The following GULP1 variants were observed in gnomAD, a reference collection of about 807,000 sequenced individuals.
GULP1 encodes GULP PTB domain containing engulfment adaptor 1.
A neutral mutation model predicts 40.9 loss-of-function variants in GULP1; 19 were observed. The ratio of observed to expected loss-of-function variants is 0.46; its 90% CI spans 0.32 to 0.68. The LOEUF is 0.68. GULP1 is among the 30% of genes least tolerant of loss of function. The pLI, the probability that GULP1 is intolerant of heterozygous loss-of-function variation, is 0.03. For synonymous variants in GULP1, 119 were observed against 117.6 expected, an observed-to-expected ratio of 1.01 and a Z score of -0.08; for missense variants, 312 against 362.2, an observed-to-expected ratio of 0.86 and a Z score of 1.12.
intron 3 of GULP1, among the ~76,000 whole-genome samples, chr2:188,481,069 T>G: frequency 6.6e-6 from 1 of 151,962 alleles, no homozygotes; most frequent in Admixed American, 6.6e-5. Context: ...AAACCTAAAT[T>G]TATTGACCCA....
At chr2:188,348,689 A>G (rs75618374) in intron 1 of GULP1, among the ~76,000 whole-genome samples, 2 of 152,328 alleles carry the variant, frequency 1.3e-5, no homozygotes, top group South Asian at 2.1e-4. Context: ...AAGAGTTTCA[A>G]AAATACAAGA....
intron 1 of GULP1, among the ~76,000 whole-genome samples, chr2:188,352,136 A>G (rs570207038): frequency 1.3e-5 from 2 of 152,168 alleles, no homozygotes; most frequent in Non-Finnish European, 2.9e-5. Context: ...CAGCTTGACT[A>G]GGTCACGGTG....
intron 11 of GULP1, chr2:188,592,832 A>C (rs906897327): frequency 6.6e-6 from 1 of 152,150 alleles, no homozygotes; most frequent in African/African-American, 2.4e-5. Flanking sequence ...AAGTAGATAT[A>C]GTCAGTCCAA....
chr2:188,398,002 G>C (rs1025359263), intron 2 of GULP1, among the ~76,000 whole-genome samples: 1 of 152,208 alleles, frequency 6.6e-6, no homozygotes, highest in Non-Finnish European at 1.5e-5. Context: ...TGGAAAAAGA[G>C]TCTATGCAGG....
intron 4 of GULP1, among the ~76,000 whole-genome samples, chr2:188,504,572 A>G (rs967052135): frequency 6.6e-6 from 1 of 152,060 alleles, no homozygotes; most frequent in Non-Finnish European, 1.5e-5. Flanking sequence ...TCTCCAAAGT[A>G]CTTAACAATA....
rs1169000418 is a variant in GULP1, at chr2:188,355,686, C to A, written c.-171-28077C>A. Among the ~76,000 whole-genome samples the A allele has an allele frequency of 8.6e-5, 13 of 152,016 alleles. No individual in the cohort carries two copies. In the South Asian group the frequency reaches 2.7e-3, roughly 32 times the overall value. On this transcript the variant is annotated intron_variant, in intron 1 of 11. Coordinates refer to ENST00000409830, the MANE Select transcript of GULP1 (RefSeq NM_016315.4). Reference sequence around the variant, plus strand: ...CCTGTTTCCGTGAGGCCAGTATTATCCTGATATCAAAACCTAACAAAGATC... The same window carrying A: ...CCTGTTTCCGTGAGGCCAGTATTATACTGATATCAAAACCTAACAAAGATC...
At chr2:188,473,362 A>G (rs1283699160) in intron 2 of GULP1, among the ~76,000 whole-genome samples, 1 of 152,138 alleles carries the variant, frequency 6.6e-6, no homozygotes, top group Non-Finnish European at 1.5e-5. Context: ...CCTTCCATTC[A>G]GGGCACTGTG....
At chr2:188,440,965 G>C (rs1272132057) in intron 2 of GULP1, among the ~76,000 whole-genome samples, 1 of 152,044 alleles carries the variant, frequency 6.6e-6, no homozygotes, top group African/African-American at 2.4e-5. Flanking sequence ...GGAATTGTAG[G>C]AGGAGAAGAG....
chr2:188,569,420 T>C, intron 8 of GULP1, 65 bp downstream of exon 8: 1 of 853,550 alleles, frequency 1.2e-6, no homozygotes, highest in South Asian at 1.3e-5. Flanking sequence ...TTGCATATCG[T>C]CAAACAAATT....
intron 4 of GULP1, among the ~76,000 whole-genome samples, chr2:188,486,481 A>T (rs2061871406): frequency 6.6e-6 from 1 of 151,996 alleles, no homozygotes; most frequent in Non-Finnish European, 1.5e-5. Flanking sequence ...AATTTAACAG[A>T]ACTACTTAAG....
intron 1 of GULP1, among the ~76,000 whole-genome samples, chr2:188,373,987 A>C (rs1329390514): frequency 2.0e-5 from 3 of 152,058 alleles, no homozygotes; most frequent in African/African-American, 7.2e-5. Context: ...TGAAGATGTA[A>C]TTAATAGAAT....
chr2:188,568,123 C>T (rs952078152), intron 7 of GULP1, among the ~76,000 whole-genome samples: 1 of 151,806 alleles, frequency 6.6e-6, no homozygotes, highest in African/African-American at 2.4e-5. Context: ...TTGTCTAAAA[C>T]CCTCCTTAAA....
chr2:188,499,408 TA>T (rs2153140648), intron 4 of GULP1, among the ~76,000 whole-genome samples: 1 of 151,504 alleles, frequency 6.6e-6, no homozygotes, highest in East Asian at 1.9e-4. Context: ...GTAAAATGTC[TA>T]AAAAGTCATC....
intron 6 of GULP1, among the ~76,000 whole-genome samples, chr2:188,531,898 T>C (rs1687641463): frequency 6.6e-6 from 1 of 152,060 alleles, no homozygotes; most frequent in Admixed American, 6.5e-5. Flanking sequence ...GGATATAGAG[T>C]GGTAAATGTC....
intron 1 of GULP1, among the ~76,000 whole-genome samples, chr2:188,342,953 C>T (rs544159673): frequency 2.6e-5 from 4 of 152,198 alleles, no homozygotes; most frequent in African/African-American, 9.6e-5. Flanking sequence ...GTTACGTAGA[C>T]TGCTTCATGA....
chr2:188,399,879 AT>A (rs1362176818), intron 2 of GULP1, among the ~76,000 whole-genome samples: 2 of 152,148 alleles, frequency 1.3e-5, no homozygotes, highest in East Asian at 3.9e-4. Context: ...ATTGCCTATC[AT>A]ATGTCAATTG....
chr2:188,477,654 T>C lies in GULP1; in HGVS notation c.-44-5T>C. ...TTATGTTTTAATATTTTGTCACTTTTACAGGATTTAAGTCGTGGAACTGAA... is the reference window on the plus strand; with the variant it reads ...TTATGTTTTAATATTTTGTCACTTTCACAGGATTTAAGTCGTGGAACTGAA... On this transcript the variant is annotated splice_polypyrimidine_tract_variant and splice_region_variant and intron_variant, in intron 2 of 11. Transcript: ENST00000409830. 2 of 1,489,906 alleles carry C rather than the reference T, an allele frequency of 1.3e-6. No individual in the cohort carries two copies. Among genetic ancestry groups the C allele is most frequent in the Non-Finnish European group, 1.8e-6 (2 of 1,086,368 alleles). The allele number at this position is 1,489,906 out of a possible 1,614,324, so 92.3% of individuals were successfully genotyped here.
At chr2:188,395,405 G>A (rs576669421) in intron 2 of GULP1, among the ~76,000 whole-genome samples, 1 of 152,298 alleles carries the variant, frequency 6.6e-6, no homozygotes, top group Admixed American at 6.5e-5. Context: ...GCTGTCCTTT[G>A]GTGTACTCAT....
intron 7 of GULP1, among the ~76,000 whole-genome samples, chr2:188,566,889 C>A (rs1421699229): frequency 1.4e-5 from 2 of 144,546 alleles, no homozygotes; most frequent in Non-Finnish European, 3.0e-5. Context: ...AACCATCTGA[C>A]AAAGGTCTAA....
Sources: gnomAD v4.1 joint callset for allele counts (sites outside exome capture counted in the v4.1 genomes callset) on GRCh38, gnomAD v4.1.1 for gene constraint, MANE v1.5 for transcripts, NCBI Gene and HGNC (gene_info 2026-07-23, HGNC 2026-07-21) for gene names.